CSMD2: variants seen among roughly 807,000 people sequenced by gnomAD.
CSMD2 encodes CUB and sushi domain-containing protein 2.
A neutral mutation model predicts 398.5 loss-of-function variants in CSMD2; 130 were observed. That is an observed-to-expected ratio of 0.33 (90% confidence interval 0.28 to 0.38). The LOEUF is 0.38. Ranked by LOEUF, CSMD2 falls within the 10% of genes least tolerant of loss-of-function variation. The pLI, the probability that CSMD2 is intolerant of heterozygous loss-of-function variation, is 1.00. For missense variants in CSMD2, 3,829 were observed against 4,764.9 expected, an observed-to-expected ratio of 0.80 and a Z score of 5.78; for synonymous variants, 1,828 against 1,908.5, an observed-to-expected ratio of 0.96 and a Z score of 1.10.
chr1:33,962,450 G>A (rs1645396144), intron 3 of CSMD2, among the ~76,000 whole-genome samples: 1 of 151,914 alleles, frequency 6.6e-6, no homozygotes, highest in African/African-American at 2.4e-5. Flanking sequence ...AGCAAGGTCA[G>A]CCCAGGTTCT....
rs184446961 is a variant in CSMD2, at chr1:33,823,611, C to G, written c.1111+2086G>C. Among the ~76,000 whole-genome samples the G allele has an allele frequency of 7.1e-3, 1,075 of 152,198 alleles. 6 individuals are homozygous for G. Among genetic ancestry groups the G allele is most frequent in the African/African-American group, 0.024 (1,009 of 41,528 alleles). On this transcript the variant is annotated intron_variant, in intron 7 of 70. Coordinates refer to ENST00000373381, the MANE Select transcript of CSMD2 (RefSeq NM_001281956.2). ...GTCACAGGTGGGTGGGTGGTCAGAA[C>G]TGATGGCAAGGTAGAGAGTTGGGTC... is the stretch of plus-strand genomic sequence containing the variant.
At chr1:34,084,658 T>C (rs1244588650) in intron 2 of CSMD2, among the ~76,000 whole-genome samples, 1 of 151,900 alleles carries the variant, frequency 6.6e-6, no homozygotes, top group Non-Finnish European at 1.5e-5. Context: ...ATCAGAGAAA[T>C]GCAAATCAAA....
rs771185334 is a variant in CSMD2 at position 34,023,965 on chromosome 1, T to C, written c.517+8629A>G. On this transcript the variant is annotated intron_variant, in intron 3 of 70. Transcript: ENST00000373381. ...TGCCAGGCACTTGTCACGCACTGACTCTTTAATCCTCATTACAACCTATTA... is the reference window on the plus strand; with the variant it reads ...TGCCAGGCACTTGTCACGCACTGACCCTTTAATCCTCATTACAACCTATTA... Among the ~76,000 whole-genome samples, 77 of 152,254 alleles carry C rather than the reference T, an allele frequency of 5.1e-4. 1 individual carries two copies. The highest frequency in any genetic ancestry group is 3.4e-3 in the Middle Eastern group (1 of 294).
chr1:34,048,504 C>T, intron 2 of CSMD2, among the ~76,000 whole-genome samples: 1 of 152,110 alleles, frequency 6.6e-6, no homozygotes, highest in East Asian at 1.9e-4. Context: ...GCCCACCTAC[C>T]CCCTCGGACA....
chr1:33,975,715 G>T (rs1326190864), intron 3 of CSMD2, among the ~76,000 whole-genome samples: 3 of 152,140 alleles, frequency 2.0e-5, no homozygotes, highest in Admixed American at 2.0e-4. Context: ...AGGGCATCTG[G>T]AAGCTGGTGC....
At chr1:33,566,313 A>T (rs1489347549) in intron 53 of CSMD2, among the ~76,000 whole-genome samples, 1 of 151,914 alleles carries the variant, frequency 6.6e-6, no homozygotes, top group South Asian at 2.1e-4. Flanking sequence ...CCTCAAAAAA[A>T]AAAAACAACC....
At chr1:33,637,730 T>C (rs902449933) in intron 29 of CSMD2, among the ~76,000 whole-genome samples, 3 of 152,062 alleles carry the variant, frequency 2.0e-5, no homozygotes, top group Admixed American at 6.5e-5. Flanking sequence ...GGATACATTA[T>C]TGGGGGGCAA....
chr1:34,007,703 AAC>A (rs1163916463), intron 3 of CSMD2, among the ~76,000 whole-genome samples: 1 of 152,208 alleles, frequency 6.6e-6, no homozygotes, highest in African/African-American at 2.4e-5. Flanking sequence ...TCTAAATTTA[AAC>A]ACAGGGGATT....
rs1641915596 is a variant in CSMD2, at chr1:33,623,665, A to G, written c.5626-199T>C. Among the ~76,000 whole-genome samples the G allele has an allele frequency of 2.0e-5, 3 of 152,248 alleles. No homozygotes were observed. In the South Asian group the frequency reaches 6.2e-4, roughly 31 times the overall value. ...GCTCGTTGTCCAGTGGGGAAGACAG[A>G]TGTGGAAAAAAATGATTAGAAGACA... On this transcript the variant is annotated intron_variant, in intron 35 of 70. Coordinates refer to ENST00000373381, the MANE Select transcript of CSMD2 (RefSeq NM_001281956.2).
chr1:34,113,405 G>C (rs576458390), intron 1 of CSMD2, among the ~76,000 whole-genome samples: 7 of 152,336 alleles, frequency 4.6e-5, no homozygotes. Context: ...ATGGCTAGGA[G>C]CACATGTTCA....
At chr1:33,684,764 G>A (rs922989399) in intron 25 of CSMD2, among the ~76,000 whole-genome samples, 1 of 152,196 alleles carries the variant, frequency 6.6e-6, no homozygotes, top group Admixed American at 6.5e-5. Context: ...GTTCTTTAAA[G>A]TGCAGCTGGA....
chr1:34,150,414 T>C (rs765537182), intron 1 of CSMD2, among the ~76,000 whole-genome samples: 8 of 152,168 alleles, frequency 5.3e-5, no homozygotes, highest in African/African-American at 7.2e-5. Flanking sequence ...GGGAAACCTG[T>C]ACAGTGGTTA....
chr1:34,098,029 A>G (rs1659542311), intron 1 of CSMD2, among the ~76,000 whole-genome samples: 1 of 88,578 alleles, frequency 1.1e-5, no homozygotes, highest in Admixed American at 1.5e-4. Flanking sequence ...TCCAACAATG[A>G]TAGACTGGAT....
chr1:33,939,693 CA>C (rs1644602237), intron 3 of CSMD2, among the ~76,000 whole-genome samples: 1 of 152,158 alleles, frequency 6.6e-6, no homozygotes, highest in Admixed American at 6.5e-5. Context: ...ATGAGCTGTT[CA>C]CAATCAGACC....
At chr1:34,072,799 C>G (rs1433037148) in intron 2 of CSMD2, among the ~76,000 whole-genome samples, 1 of 152,110 alleles carries the variant, frequency 6.6e-6, no homozygotes, top group Admixed American at 6.5e-5. Context: ...CTGCTGCCAA[C>G]CCCTCCCCCA....
At chr1:33,545,896 G>T in intron 57 of CSMD2, 141 bp downstream of exon 57, 1 of 679,774 alleles carries the variant, frequency 1.5e-6, no homozygotes, top group Non-Finnish European at 2.5e-6. Context: ...ATTATCTGTT[G>T]CAGTCCTATC....
chr1:34,032,135 G>GA (rs1239211826), intron 3 of CSMD2, among the ~76,000 whole-genome samples: 1 of 152,090 alleles, frequency 6.6e-6, no homozygotes, highest in African/African-American at 2.4e-5. Flanking sequence ...TGCTATTAAG[G>GA]AAAAATCGAT....
At chr1:33,743,214 C>G (rs1387882140) in intron 14 of CSMD2, 66 bp downstream of exon 14, 6 of 1,402,374 alleles carry the variant, frequency 4.3e-6, no homozygotes, top group African/African-American at 1.4e-5. Flanking sequence ...CATGGGAGCA[C>G]CTTCGATCAT....
At chr1:33,991,907 G>C (rs141185390) in intron 3 of CSMD2, among the ~76,000 whole-genome samples, 1 of 151,726 alleles carries the variant, frequency 6.6e-6, no homozygotes, top group African/African-American at 2.4e-5. Context: ...AAAAAAAATG[G>C]GCAGGAGATA....
Sources: allele counts gnomAD v4.1 joint callset (sites outside exome capture counted in the v4.1 genomes callset), GRCh38; gene constraint gnomAD v4.1.1; transcripts MANE v1.5; gene names NCBI Gene and HGNC (gene_info 2026-07-23, HGNC 2026-07-21).